The following IGSF21 variants were observed in gnomAD, a reference collection of about 807,000 sequenced individuals.
IGSF21 encodes the protein immunoglobulin superfamily member 21.
IGSF21 carries 28 observed loss-of-function variants against 46.8 expected under a neutral mutation model. That is an observed-to-expected ratio of 0.60 (90% CI 0.44 to 0.82). IGSF21 has a LOEUF of 0.82. Ranked by LOEUF, IGSF21 falls within the 40% of genes least tolerant of loss-of-function variation. The pLI, the probability that IGSF21 is intolerant of heterozygous loss-of-function variation, is 0.00. For synonymous variants in IGSF21, 284 were observed against 273.6 expected, an observed-to-expected ratio of 1.04 and a Z score of -0.38; for missense variants, 624 against 665.5, an observed-to-expected ratio of 0.94 and a Z score of 0.69.
chr1:18,364,736 ATTCT>A (rs1360761821), intron 5 of IGSF21, among the ~76,000 whole-genome samples: 1 of 151,786 alleles, frequency 6.6e-6, no homozygotes, highest in Non-Finnish European at 1.5e-5. Context: ...ACGCACAGAG[ATTCT>A]TTCTTCCCTC....
intron 2 of IGSF21, among the ~76,000 whole-genome samples, chr1:18,251,668 C>T (rs759015751): frequency 1.3e-5 from 2 of 152,098 alleles, no homozygotes; most frequent in Admixed American, 6.6e-5. Flanking sequence ...ACTGGATGCC[C>T]AGGAAGAGGA....
intron 1 of IGSF21, among the ~76,000 whole-genome samples, chr1:18,179,804 A>T (rs907461476): frequency 4.6e-5 from 7 of 152,202 alleles, no homozygotes; most frequent in Non-Finnish European, 2.9e-5. Context: ...ATTGAAATTA[A>T]GTAAGAATCA....
chr1:18,326,900 A>C (rs2085663123), intron 3 of IGSF21, among the ~76,000 whole-genome samples: 1 of 152,200 alleles, frequency 6.6e-6, no homozygotes, highest in Non-Finnish European at 1.5e-5. Flanking sequence ...TGGGGGCCTC[A>C]GGCAGGGAGA....
At chr1:18,231,826 G>A (rs950707432) in intron 2 of IGSF21, among the ~76,000 whole-genome samples, 2 of 151,886 alleles carry the variant, frequency 1.3e-5, no homozygotes, top group Non-Finnish European at 1.5e-5. Flanking sequence ...CAAGAGAATA[G>A]CAGTGAGTGA....
chr1:18,309,486 T>A (rs1174988466), intron 3 of IGSF21, among the ~76,000 whole-genome samples: 1 of 152,152 alleles, frequency 6.6e-6, no homozygotes, highest in African/African-American at 2.4e-5. Context: ...GCAGTCAGGT[T>A]AGGGTACTGG....
Position 18,228,008 on chromosome 1 carries a change from C to A in IGSF21, c.181C>A (p.Arg61=). 1 of 1,611,780 alleles carries A rather than the reference C, an allele frequency of 6.2e-7. No homozygotes were observed. The highest frequency in any genetic ancestry group is 1.1e-5 in the South Asian group (1 of 91,024). Residue 61 remains arginine (R), a splice_region_variant and synonymous_variant, in exon 2 of 10, where the codon CGG becomes AGG. Transcript: ENST00000251296. ...DGRMREIVWY[R]VTDGGTIKQK... ...GCGCATGCGGGAGATCGTGTGGTACCGGGTAAGTCACTACTACTGCCCCCT... is the reference window on the plus strand; with the variant it reads ...GCGCATGCGGGAGATCGTGTGGTACAGGGTAAGTCACTACTACTGCCCCCT...
intron 3 of IGSF21, among the ~76,000 whole-genome samples, chr1:18,293,440 G>T (rs2085285960): frequency 6.6e-6 from 1 of 152,122 alleles, no homozygotes; most frequent in Admixed American, 6.5e-5. Context: ...AGGCGGCCCG[G>T]CTGGGTCCTC....
rs189667835 is a variant in IGSF21, at chr1:18,253,138, T to C, written c.183+25128T>C. 2.2e-3 allele frequency among the ~76,000 whole-genome samples: 341 copies of C among 152,272 alleles called. 4 individuals are homozygous for C. The highest frequency in any genetic ancestry group is 6.5e-4 in the Non-Finnish European group (44 of 68,008). On this transcript the variant is annotated intron_variant, in intron 2 of 9. Transcript: ENST00000251296. ...CCATAATAAATGAATGTGTCCCTCT[T>C]TCCCCAAGCAGGCTGCGTTTCCCAG... is the stretch of plus-strand genomic sequence containing the variant.
chr1:18,222,792 G>A (rs1393669656), intron 1 of IGSF21, among the ~76,000 whole-genome samples: 1 of 152,166 alleles, frequency 6.6e-6, no homozygotes, highest in Non-Finnish European at 1.5e-5. Flanking sequence ...TGAGATCAGG[G>A]CTGGGGGAAT....
In IGSF21 at chr1:18,334,159, C is replaced by T. The variant is rs1433311066; in HGVS notation, c.306-733C>T. ...CTCCCATCCTTAGGGATCACCTCTT[C>T]TGAGACACCCTCCCAACTACCTCAG... On this transcript the variant is annotated intron_variant, in intron 3 of 9. Coordinates refer to ENST00000251296, the MANE Select transcript of IGSF21 (RefSeq NM_032880.5). This position sits in a 1 kb window ranked among gnomAD's most constrained non-coding sequence, Gnocchi z 4.3. Among the ~76,000 whole-genome samples, 3 of 152,194 alleles carry T rather than the reference C, an allele frequency of 2.0e-5. No individual in the cohort carries two copies. Among genetic ancestry groups the T allele is most frequent in the Non-Finnish European group, 4.4e-5 (3 of 68,040 alleles).
chr1:18,205,618 CA>C (rs2084311057), intron 1 of IGSF21, among the ~76,000 whole-genome samples: 1 of 152,150 alleles, frequency 6.6e-6, no homozygotes, highest in African/African-American at 2.4e-5. Context: ...GTCTTGTAGC[CA>C]AGAGACACTG....
intron 2 of IGSF21, among the ~76,000 whole-genome samples, chr1:18,251,428 A>G (rs1484701816): frequency 6.6e-6 from 1 of 152,182 alleles, no homozygotes; most frequent in Non-Finnish European, 1.5e-5. Context: ...TGAGTCTGGC[A>G]AATCTCCAGA....
chr1:18,231,922 C>CGTGTGTGTGTGTGTGTGT (rs150869622), intron 2 of IGSF21, among the ~76,000 whole-genome samples: 3,843 of 136,352 alleles, frequency 0.028, 107 homozygotes, highest in East Asian at 0.073. Flanking sequence ...ATCATTAGAT[C>CGTGTGTGTGTGTGTGTGT]GTGTGTGTGT....
chr1:18,330,030 A>G (rs1392358686), intron 3 of IGSF21, among the ~76,000 whole-genome samples: 2 of 152,186 alleles, frequency 1.3e-5, no homozygotes, highest in Non-Finnish European at 2.9e-5. Flanking sequence ...AAACCTTTGC[A>G]GTTATTAATA....
intron 6 of IGSF21, among the ~76,000 whole-genome samples, chr1:18,375,649 C>A (rs2086272993): frequency 6.6e-6 from 1 of 152,136 alleles, no homozygotes. Context: ...CCATGTCCAC[C>A]CCTACCCAGA....
At chr1:18,374,601 CA>C (rs67240888) in intron 6 of IGSF21, among the ~76,000 whole-genome samples, 3,969 of 152,270 alleles carry the variant, frequency 0.026, 176 homozygotes, top group African/African-American at 0.088. Flanking sequence ...CTCCTTGGTG[CA>C]AGCCCTGCTC....
intron 2 of IGSF21, among the ~76,000 whole-genome samples, chr1:18,258,419 C>T (rs538949794): frequency 1.3e-5 from 2 of 152,286 alleles, no homozygotes; most frequent in South Asian, 2.1e-4. Context: ...GCAACCTTGA[C>T]CTTGACAGTT....
intron 2 of IGSF21, among the ~76,000 whole-genome samples, chr1:18,283,407 G>A (rs1411752006): frequency 6.6e-6 from 1 of 152,122 alleles, no homozygotes; most frequent in Non-Finnish European, 1.5e-5. Flanking sequence ...TCTTCCCCCA[G>A]GCCCCCTTGG....
At chr1:18,344,709 G>A (rs1314565930) in intron 4 of IGSF21, among the ~76,000 whole-genome samples, 3 of 152,156 alleles carry the variant, frequency 2.0e-5, no homozygotes, top group African/African-American at 4.8e-5. Flanking sequence ...GAGGCTGCCA[G>A]TCTGAGATCC....
Sources: allele counts gnomAD v4.1 joint callset (sites outside exome capture counted in the v4.1 genomes callset), GRCh38; gene constraint gnomAD v4.1.1; non-coding constraint Gnocchi (gnomAD v3.1); transcripts MANE v1.5; gene names NCBI Gene and HGNC (gene_info 2026-07-23, HGNC 2026-07-21).